The following HNF4A variants were observed in gnomAD, a reference collection of about 807,000 sequenced individuals.
HNF4A encodes the protein hepatocyte nuclear factor 4 alpha.
Under a neutral mutation model 52.4 loss-of-function variants are expected in HNF4A, and 15 were observed. That is an observed-to-expected ratio of 0.29 (90% CI 0.19 to 0.44). The LOEUF is 0.44. Among genes scored for constraint, HNF4A ranks in the 20% least tolerant of loss-of-function variants. The pLI is 1.00. For missense variants in HNF4A, 479 were observed against 647.2 expected, an observed-to-expected ratio of 0.74 and a Z score of 2.82; for synonymous variants, 280 against 264.4, an observed-to-expected ratio of 1.06 and a Z score of -0.57.
chr20:44,415,341 C>T (rs1479433758), intron 5 of HNF4A, among the ~76,000 whole-genome samples: 3 of 152,160 alleles, frequency 2.0e-5, no homozygotes, highest in Non-Finnish European at 2.9e-5. Context: ...AACTCAGCAT[C>T]GTGTTTCCCA....
chr20:44,388,167 C>T (rs1423535825), intron 1 of HNF4A, among the ~76,000 whole-genome samples: 1 of 151,844 alleles, frequency 6.6e-6, no homozygotes, highest in Non-Finnish European at 1.5e-5. Context: ...TGGCTCACTG[C>T]AGCCTCCAAC....
rs554618509 is a variant in HNF4A at position 44,392,278 on chromosome 20, C to T, written c.50-13780C>T. The stretch of plus-strand genomic sequence containing the variant: ...TTTTGTGAGGAAACGATCATCATTC[C>T]CTCTTTACAGATGGGAAAACTGAGC... On this transcript the variant is annotated intron_variant, in intron 1 of 9. Transcript: ENST00000316673. 2.0e-5 allele frequency among the ~76,000 whole-genome samples: 3 copies of T among 152,222 alleles called. No individual in the cohort carries two copies. In the South Asian group the frequency reaches 6.2e-4, roughly 32 times the overall value.
At chr20:44,400,748 T>C (rs1484656590), upstream of HNF4A, among the ~76,000 whole-genome samples, 1 of 152,076 alleles carries the variant, frequency 6.6e-6, no homozygotes, top group East Asian at 1.9e-4. Context: ...ACCGGGAAAC[T>C]GCGGGGGAAC....
At position 44,385,057 on chromosome 20, in the gene HNF4A, A is replaced by ATTTTTTTTTTTTTTTTTTTTTTTTT. The variant is rs1491454694; in HGVS notation, c.50-21000_50-20999insTTTTTTTTTTTTTTTTTTTTTTTTT. 4.0e-4 allele frequency among the ~76,000 whole-genome samples: 12 copies of ATTTTTTTTTTTTTTTTTTTTTTTTT among 29,922 alleles called. 2 individuals are homozygous for ATTTTTTTTTTTTTTTTTTTTTTTTT. The highest frequency in any genetic ancestry group is 2.2e-3 in the Admixed American group (4 of 1,808). The allele number at this position is 29,922 out of a possible 152,430, so 19.6% of individuals were successfully genotyped here. A position where few individuals can be genotyped will look rare whatever the true frequency, so the allele number is the denominator to read the frequency against. On this transcript the variant is annotated intron_variant, in intron 1 of 9. Coordinates refer to the HNF4A transcript ENST00000316673. ...TAAGTGGTTTCAGCTGAACTCTGTG[A>ATTTTTTTTTTTTTTTTTTTTTTTTT]TCTTTTTTTTTTTTTTTTTTTTTTT... is the stretch of plus-strand genomic sequence containing the variant.
chr20:44,379,730 CTTTTT>C (rs33924202), intron 1 of HNF4A, among the ~76,000 whole-genome samples: 7 of 109,558 alleles, frequency 6.4e-5, no homozygotes, highest in Non-Finnish European at 1.2e-4. Context: ...TTTTCTTTTC[CTTTTT>C]TTTTTTTTTT....
chr20:44,369,619 C>A, intron 1 of HNF4A, among the ~76,000 whole-genome samples: 1 of 152,134 alleles, frequency 6.6e-6, no homozygotes, highest in South Asian at 2.1e-4. Context: ...ACTCCTCCAA[C>A]AGCTTTGTAT....
At chr20:44,427,844 C>CT (rs547337078) in intron 8 of HNF4A, among the ~76,000 whole-genome samples, 387 of 152,266 alleles carry the variant, frequency 2.5e-3, no homozygotes, top group African/African-American at 8.9e-3. Flanking sequence ...AAAAACATCT[C>CT]TGACAGAAGC....
At chr20:44,356,045 C>T (rs1463179496) in intron 1 of HNF4A, among the ~76,000 whole-genome samples, 192 bp downstream of exon 1, 2 of 150,558 alleles carry the variant, frequency 1.3e-5, no homozygotes, top group East Asian at 1.9e-4. Flanking sequence ...CTGCTTGGTG[C>T]GAGAAGTGCT....
At chr20:44,415,672 G>T (rs1186505099) in intron 5 of HNF4A, among the ~76,000 whole-genome samples, 2 of 152,182 alleles carry the variant, frequency 1.3e-5, no homozygotes, top group Non-Finnish European at 2.9e-5. Flanking sequence ...GAGAAGTCTC[G>T]TCCAGGCAGT....
intron 8 of HNF4A, chr20:44,424,582 C>A (rs1053155882): frequency 4.4e-6 from 6 of 1,373,746 alleles, no homozygotes; most frequent in Non-Finnish European, 5.8e-6. Flanking sequence ...CCCGTATGTG[C>A]GTGCATGTGT....
At chr20:44,370,816 C>T (rs1367026656) in intron 1 of HNF4A, among the ~76,000 whole-genome samples, 1 of 152,158 alleles carries the variant, frequency 6.6e-6, no homozygotes, top group African/African-American at 2.4e-5. Context: ...TGGGCCTTGC[C>T]CTGGGTAAAC....
In HNF4A at chr20:44,372,255, G is replaced by A. The variant is rs7263493; in HGVS notation, c.49+16402G>A. On this transcript the variant is annotated intron_variant, in intron 1 of 9. Transcript: ENST00000316673. ...TGTGGCTCACATTCTATTTCTATTGGCCAGCACTGGCCGGGTCCCTCAGAT... is the reference window on the plus strand; with the variant it reads ...TGTGGCTCACATTCTATTTCTATTGACCAGCACTGGCCGGGTCCCTCAGAT... 5.3e-3 allele frequency among the ~76,000 whole-genome samples: 802 copies of A among 152,268 alleles called. 12 individuals are homozygous for A. The highest frequency in any genetic ancestry group is 0.019 in the African/African-American group (773 of 41,556).
chr20:44,421,474 C>A (rs1169534491), intron 7 of HNF4A, among the ~76,000 whole-genome samples: 1 of 152,096 alleles, frequency 6.6e-6, no homozygotes, highest in African/African-American at 2.4e-5. Flanking sequence ...AATGAAAAGG[C>A]TGGGTGTGGT....
At chr20:44,415,325 C>T (rs989684723) in intron 5 of HNF4A, among the ~76,000 whole-genome samples, 6 of 152,160 alleles carry the variant, frequency 3.9e-5, no homozygotes, top group South Asian at 2.1e-4. Flanking sequence ...CCCACCAAAA[C>T]GATTGAACTC....
chr20:44,362,623 C>T (rs778839881), intron 1 of HNF4A, among the ~76,000 whole-genome samples: 57 of 152,058 alleles, frequency 3.7e-4, no homozygotes, highest in Non-Finnish European at 4.4e-4. Flanking sequence ...TGCAATAACC[C>T]ATCCAAGTAG....
chr20:44,421,813 G>C (rs1208698535), intron 7 of HNF4A, among the ~76,000 whole-genome samples: 1 of 145,276 alleles, frequency 6.9e-6, no homozygotes, highest in Non-Finnish European at 1.5e-5. Context: ...ATAATATATA[G>C]TGATATATAT....
intron 1 of HNF4A, chr20:44,372,929 C>T (rs867913477): frequency 3.3e-5 from 5 of 152,114 alleles, no homozygotes; most frequent in African/African-American, 4.8e-5. Context: ...GTGCTGCAGT[C>T]GGGAGGGCTT....
downstream of HNF4A, chr20:44,433,701 A>G (rs1322350785): frequency 1.3e-5 from 2 of 152,218 alleles, no homozygotes. Context: ...TAATAAGTAA[A>G]AAGAATAAAA....
chr20:44,381,531 G>T (rs888167648), intron 1 of HNF4A, among the ~76,000 whole-genome samples: 1 of 152,060 alleles, frequency 6.6e-6, no homozygotes, highest in Non-Finnish European at 1.5e-5. Context: ...TGATCTGCCT[G>T]CCTCAGCCCC....
Sources: gnomAD v4.1 joint callset for allele counts (sites outside exome capture counted in the v4.1 genomes callset) on GRCh38, gnomAD v4.1.1 for gene constraint, MANE v1.5 for transcripts, NCBI Gene and HGNC (gene_info 2026-07-23, HGNC 2026-07-21) for gene names.